The following HPSE2 variants were observed in gnomAD, a reference collection of about 807,000 sequenced individuals.
HPSE2 encodes the protein heparanase 2 (inactive), also known as inactive heparanase-2.
In HPSE2, 38 loss-of-function variants were observed where a neutral mutation model predicts 60.5. That is an observed-to-expected ratio of 0.63 (90% CI 0.48 to 0.82). The LOEUF (loss-of-function observed/expected upper bound fraction) is 0.82, where lower values mean the gene tolerates loss of function less well. Among genes scored for constraint, HPSE2 ranks in the 40% least tolerant of loss-of-function variants. HPSE2 has a pLI of 0.00. For synonymous variants in HPSE2, 295 were observed against 293.2 expected, an observed-to-expected ratio of 1.01 and a Z score of -0.06; for missense variants, 713 against 740.4, an observed-to-expected ratio of 0.96 and a Z score of 0.43.
chr10:98,834,093 C>A (rs1168121941), intron 3 of HPSE2, among the ~76,000 whole-genome samples: 1 of 152,048 alleles, frequency 6.6e-6, no homozygotes, highest in African/African-American at 2.4e-5. Flanking sequence ...AACAATAACA[C>A]CCAACTGATT....
intron 9 of HPSE2, among the ~76,000 whole-genome samples, chr10:98,582,247 C>A (rs1280114355): frequency 1.3e-5 from 2 of 152,102 alleles, no homozygotes; most frequent in African/African-American, 4.8e-5. Flanking sequence ...TTCTGTTGGA[C>A]AAATGCAAGT....
chr10:98,579,984 G>T (rs3936941), intron 9 of HPSE2, among the ~76,000 whole-genome samples: 130,943 of 152,216 alleles, frequency 0.86, 56,580 homozygotes, highest in East Asian at 0.96. Context: ...CTGGTGATTT[G>T]TGGACTTTCA....
chr10:98,728,913 G>A (rs1949158308), intron 4 of HPSE2, among the ~76,000 whole-genome samples: 1 of 152,110 alleles, frequency 6.6e-6, no homozygotes, highest in South Asian at 2.1e-4. Flanking sequence ...GGAGGCTAAG[G>A]TGGGAGAATC....
At chr10:98,873,410 A>C (rs1266934289) in intron 3 of HPSE2, among the ~76,000 whole-genome samples, 1 of 151,892 alleles carries the variant, frequency 6.6e-6, no homozygotes, top group East Asian at 1.9e-4. Context: ...CCCTGTGTCC[A>C]TGTGTTCTCA....
intron 3 of HPSE2, chr10:99,013,880 C>A: frequency 2.6e-6 from 1 of 391,952 alleles, no homozygotes; most frequent in Non-Finnish European, 5.2e-6. Flanking sequence ...CCTGCACTAT[C>A]CAGCCCAATA....
chr10:98,743,885 T>C lies in HPSE2; in HGVS notation c.782A>G (p.Asn261Ser), dbSNP rs775870526. Residue 261 changes from asparagine (N) to serine (S), a missense_variant and splice_region_variant, in exon 4 of 12, where the codon AAT becomes AGT. Asn to Ser is a conservative substitution (Grantham distance 46, BLOSUM62 1). Transcript: ENST00000370552. Reference protein sequence around the residue: ...KKYNISWELGNEPNNYRTMHG... With the variant: ...KKYNISWELGSEPNNYRTMHG... ...GAGGAAGTAACATCCTTACTTACCATTACCCAGTTCCCAAGAAATGTTGTA... is the reference window on the plus strand; with the variant it reads ...GAGGAAGTAACATCCTTACTTACCACTACCCAGTTCCCAAGAAATGTTGTA... 6 of 1,613,252 alleles carry C rather than the reference T, an allele frequency of 3.7e-6. No homozygotes were observed. The Admixed American group carries it at 5.0e-5, about 13-fold the overall frequency.
chr10:98,943,614 C>T (rs930817704), intron 3 of HPSE2, among the ~76,000 whole-genome samples: 1 of 152,036 alleles, frequency 6.6e-6, no homozygotes, highest in African/African-American at 2.4e-5. Flanking sequence ...CTTATTTATT[C>T]TCTTACTTTC....
At chr10:99,244,221 G>A in the HPSE2 span, among the ~76,000 whole-genome samples, 1 of 151,654 alleles carries the variant, frequency 6.6e-6, no homozygotes, top group Non-Finnish European at 1.5e-5. Flanking sequence ...GTTTCACCAT[G>A]TTAGCCAGGA....
chr10:98,729,183 A>G (rs1366197682), intron 4 of HPSE2, among the ~76,000 whole-genome samples: 1 of 152,220 alleles, frequency 6.6e-6, no homozygotes, highest in Non-Finnish European at 1.5e-5. Flanking sequence ...ACAATCTCAA[A>G]TAATGGAAAT....
At chr10:99,314,832 C>A in the HPSE2 span, among the ~76,000 whole-genome samples, 12 of 152,084 alleles carry the variant, frequency 7.9e-5, no homozygotes, top group Non-Finnish European at 1.6e-4. Context: ...ATTTTTTGAT[C>A]TCCTCAGAGT....
chr10:98,913,860 T>A (rs1401120341), intron 3 of HPSE2, among the ~76,000 whole-genome samples: 1 of 152,196 alleles, frequency 6.6e-6, no homozygotes, highest in Non-Finnish European at 1.5e-5. Context: ...GATTCCTTAA[T>A]AAAAGCAAAA....
chr10:99,190,657 A>C (rs1848188723), intron 2 of HPSE2, among the ~76,000 whole-genome samples: 1 of 152,220 alleles, frequency 6.6e-6, no homozygotes, highest in Admixed American at 6.5e-5. Context: ...AAGATGGCCA[A>C]ATAGAAGCCT....
intron 3 of HPSE2, among the ~76,000 whole-genome samples, chr10:98,861,901 C>T (rs141110088): frequency 1.3e-5 from 2 of 152,264 alleles, no homozygotes; most frequent in African/African-American, 4.8e-5. Context: ...CAAGATGTCT[C>T]ATGATTTAAA....
At chr10:99,176,961 A>G (rs1243794743) in intron 2 of HPSE2, among the ~76,000 whole-genome samples, 1 of 152,192 alleles carries the variant, frequency 6.6e-6, no homozygotes, top group East Asian at 1.9e-4. Flanking sequence ...AGTGGGGACC[A>G]ATATTCAACA....
chr10:98,953,728 T>C (rs944127357), intron 3 of HPSE2, among the ~76,000 whole-genome samples: 1 of 152,116 alleles, frequency 6.6e-6, no homozygotes, highest in Non-Finnish European at 1.5e-5. Flanking sequence ...TATGGCCATA[T>C]AGCAGGGAAA....
intron 3 of HPSE2, among the ~76,000 whole-genome samples, chr10:99,035,414 G>A (rs1161265185): frequency 2.6e-5 from 4 of 152,124 alleles, no homozygotes; most frequent in Non-Finnish European, 5.9e-5. Context: ...ATAATGCATG[G>A]AGCTGTCATC....
intron 3 of HPSE2, among the ~76,000 whole-genome samples, chr10:99,077,633 A>G (rs1368221874): frequency 1.3e-5 from 2 of 151,694 alleles, no homozygotes; most frequent in African/African-American, 2.4e-5. Flanking sequence ...ACACACATCC[A>G]TTTCATATTT....
chr10:98,988,052 G>GCT, intron 3 of HPSE2, among the ~76,000 whole-genome samples: 1 of 152,312 alleles, frequency 6.6e-6, no homozygotes, highest in Admixed American at 6.5e-5. Flanking sequence ...TCAATATCGT[G>GCT]AAAATGGCCA....
intron 3 of HPSE2, among the ~76,000 whole-genome samples, chr10:99,072,301 G>C (rs888498993): frequency 1.3e-5 from 2 of 151,576 alleles, no homozygotes; most frequent in East Asian, 3.9e-4. Context: ...TTGACAAATC[G>C]GATCTAATTA....
Sources: gnomAD v4.1 joint callset for allele counts (sites outside exome capture counted in the v4.1 genomes callset) on GRCh38, gnomAD v4.1.1 for gene constraint, MANE v1.5 for transcripts, NCBI Gene and HGNC (gene_info 2026-07-23, HGNC 2026-07-21) for gene names.